The following AATF variants were observed in gnomAD, a reference collection of about 807,000 sequenced individuals.
AATF encodes the protein apoptosis antagonizing transcription factor.
In AATF, 48 loss-of-function variants were observed where a neutral mutation model predicts 63.7. That is an observed-to-expected ratio of 0.75 (90% CI 0.60 to 0.96). The LOEUF is 0.96. AATF is among the 40% of genes least tolerant of loss of function. The probability of loss-of-function intolerance (pLI) is 0.00; values close to 1 mark genes in which losing one functional copy is unlikely to be tolerated. For missense variants in AATF, 639 were observed against 685.7 expected (o/e 0.93, Z 0.76); for synonymous variants, 258 against 247.7 (o/e 1.04, Z -0.39).
intron 11 of AATF, among the ~76,000 whole-genome samples, chr17:37,039,267 T>C (rs2071617548): frequency 6.6e-6 from 1 of 152,192 alleles, no homozygotes; most frequent in African/African-American, 2.4e-5. Flanking sequence ...ATGGTTAAAG[T>C]ACAGATGTTT....
chr17:36,986,848 T>A, intron 5 of AATF, 117 bp downstream of exon 5: 2 of 821,862 alleles, frequency 2.4e-6, no homozygotes, highest in Non-Finnish European at 3.8e-6. Context: ...TAAAATAGAG[T>A]CTCATATTTA....
At chr17:36,964,170 C>CTTTTTTTT (rs36064518) in intron 4 of AATF, among the ~76,000 whole-genome samples, 2 of 101,388 alleles carry the variant, frequency 2.0e-5, no homozygotes, top group African/African-American at 8.0e-5. Flanking sequence ...GGGTGTTTTG[C>CTTTTTTTT]TTTTTTTTTT....
intron 8 of AATF, among the ~76,000 whole-genome samples, chr17:36,995,756 C>T (rs755218976): frequency 7.3e-5 from 11 of 151,664 alleles, no homozygotes; most frequent in Admixed American, 5.9e-4. Context: ...TTTGTAGAGA[C>T]GGGGTTTTGC....
chr17:37,003,666 C>T (rs1474172906), intron 8 of AATF, among the ~76,000 whole-genome samples: 3 of 149,426 alleles, frequency 2.0e-5, no homozygotes, highest in East Asian at 2.1e-4. Context: ...GGGGTTTTGC[C>T]GTGTTGCCCA....
chr17:37,044,079 C>T (rs1299209368), intron 11 of AATF, among the ~76,000 whole-genome samples: 2 of 152,134 alleles, frequency 1.3e-5, no homozygotes, highest in Non-Finnish European at 2.9e-5. Context: ...AGGCCCCCAG[C>T]TTGTATGTTT....
intron 6 of AATF, 118 bp downstream of exon 6, chr17:36,988,838 A>C (rs1194714629): frequency 4.0e-6 from 4 of 989,202 alleles, no homozygotes; most frequent in Non-Finnish European, 5.9e-6. Context: ...AATGGTAATC[A>C]TTCATTTCTA....
intron 8 of AATF, among the ~76,000 whole-genome samples, chr17:36,992,321 C>T (rs2071221788): frequency 6.6e-6 from 1 of 152,104 alleles, no homozygotes; most frequent in Non-Finnish European, 1.5e-5. Context: ...GGTGTGGCTG[C>T]AGCTGTTCCC....
At position 36,950,370 on chromosome 17, in the gene AATF, A is replaced by G; in HGVS notation, c.248A>G (p.Glu83Gly). The change falls in exon 2 of 12, where the codon GAA (glutamate) becomes GGA (glycine). Residue 83 changes from glutamate to glycine, a missense_variant. By Grantham distance (98) the Glu-to-Gly change is moderately conservative. Coordinates refer to ENST00000619387, the MANE Select transcript of AATF (RefSeq NM_012138.4). ...ACCACCTCTAGAAAAGCATGGAATG[A>G]AGACCATTGGGAGCAGACTCTGCCA... is the stretch of plus-strand genomic sequence containing the variant. ...GKTTSRKAWN[E>G]DHWEQTLPGS... 6.2e-7 allele frequency: 1 copy of G among 1,614,212 alleles called. No homozygotes were observed. The highest frequency in any genetic ancestry group is 8.5e-7 in the Non-Finnish European group (1 of 1,180,038).
At chr17:37,002,125 C>T (rs548635869) in intron 8 of AATF, among the ~76,000 whole-genome samples, 1 of 149,674 alleles carries the variant, frequency 6.7e-6, no homozygotes, top group Non-Finnish European at 1.5e-5. Flanking sequence ...TCACTTGAAC[C>T]TGGGAGGTGG....
intron 11 of AATF, among the ~76,000 whole-genome samples, chr17:37,051,835 C>T (rs1337111510): frequency 6.6e-6 from 1 of 152,072 alleles, no homozygotes; most frequent in Non-Finnish European, 1.5e-5. Context: ...GAAAATGCCT[C>T]ACTAAGGGTT....
At chr17:37,031,468 TAA>T in intron 10 of AATF, 144 bp from the exon 11 acceptor site, 1 of 682,502 alleles carries the variant, frequency 1.5e-6, no homozygotes, top group Non-Finnish European at 2.7e-6. Context: ...ATGACAGTGG[TAA>T]GTGCCTATGA....
Position 36,989,390 on chromosome 17 carries a change from A to C in AATF, c.1293A>C (p.Pro431=). The C allele has an allele frequency of 6.2e-7, 1 of 1,612,996 alleles. No individual in the cohort carries two copies. Among genetic ancestry groups the C allele is most frequent in the Non-Finnish European group, 8.5e-7 (1 of 1,179,316 alleles). The change falls in exon 7 of 12, where the codon CCA becomes CCC. Residue 431 remains proline, a synonymous_variant. Coordinates refer to ENST00000619387, the MANE Select transcript of AATF (RefSeq NM_012138.4). ...GKPEPAAQPV[P]ESLPGEPEIL... is the part of the protein sequence containing the mutation. ...CTGAGCCAGCAGCTCAGCCTGTCCC[A>C]GAGAGTTTGCCAGGGGAACCGGTAA...
intron 4 of AATF, among the ~76,000 whole-genome samples, chr17:36,956,480 C>T (rs1349466368): frequency 6.6e-6 from 1 of 152,076 alleles, no homozygotes; most frequent in African/African-American, 2.4e-5. Context: ...TGAGCCCAGC[C>T]TGGCCAATGT....
rs1349881130 is a variant in AATF, at chr17:36,952,866, C to T, written c.284-20C>T. 8 of 1,596,508 alleles carry T rather than the reference C, an allele frequency of 5.0e-6. No homozygotes were observed. The Admixed American group carries it at 1.1e-4, about 21-fold the overall frequency. ...CCAGGTAATACCCATTTTTCTCTTT[C>T]TTCCCTCTCTTCTTTGTAGATGAGG... On this transcript the variant is annotated intron_variant, in intron 2 of 11. Transcript: ENST00000619387.
At chr17:37,001,544 A>C (rs1293254037) in intron 8 of AATF, among the ~76,000 whole-genome samples, 1 of 152,186 alleles carries the variant, frequency 6.6e-6, no homozygotes, top group Non-Finnish European at 1.5e-5. Flanking sequence ...TAACATCAAG[A>C]ATCAATTAAT....
intron 10 of AATF, 40 bp from the exon 11 acceptor site, chr17:37,031,574 G>C: frequency 6.6e-7 from 1 of 1,506,596 alleles, no homozygotes; most frequent in Non-Finnish European, 9.2e-7. Flanking sequence ...TAGGTTAATA[G>C]TTACTAATGT....
intron 10 of AATF, 92 bp from the exon 11 acceptor site, chr17:37,031,522 C>A: frequency 2.0e-6 from 2 of 1,022,348 alleles, no homozygotes; most frequent in South Asian, 1.3e-5. Flanking sequence ...TTCCAGTGAT[C>A]AGTTCTGGAG....
intron 10 of AATF, among the ~76,000 whole-genome samples, chr17:37,021,817 A>T (rs1417660309): frequency 6.2e-5 from 5 of 80,772 alleles, no homozygotes; most frequent in East Asian, 5.4e-4. Context: ...AAAAAAAAAA[A>T]AAAATAATAA....
chr17:36,954,794 T>C (rs1229879903), intron 4 of AATF, among the ~76,000 whole-genome samples: 1 of 152,174 alleles, frequency 6.6e-6, no homozygotes, highest in Non-Finnish European at 1.5e-5. Context: ...CCTTATGATG[T>C]AGGAATCTTC....
Sources: allele counts gnomAD v4.1 joint callset (sites outside exome capture counted in the v4.1 genomes callset), GRCh38; gene constraint gnomAD v4.1.1; transcripts MANE v1.5; gene names NCBI Gene and HGNC (gene_info 2026-07-23, HGNC 2026-07-21).